CAPZB: variants seen among roughly 807,000 people sequenced by gnomAD.
The protein encoded by CAPZB is capping actin protein of muscle Z-line subunit beta.
Under a neutral mutation model 38.1 loss-of-function variants are expected in CAPZB, and 2 were observed. That is an observed-to-expected ratio of 0.05 (90% CI 0.02 to 0.17). CAPZB has a LOEUF of 0.17. Among genes scored for constraint, CAPZB ranks in the 10% least tolerant of loss-of-function variants. The pLI is 1.00. For missense variants in CAPZB, 161 were observed against 334.2 expected (o/e 0.48, Z 4.04); for synonymous variants, 107 against 127.4 (o/e 0.84, Z 1.08).
At chr1:19,441,350 A>C (rs1442269931) in intron 1 of CAPZB, among the ~76,000 whole-genome samples, 1 of 152,178 alleles carries the variant, frequency 6.6e-6, no homozygotes, top group African/African-American at 2.4e-5. Context: ...AGTAAGTATA[A>C]GGGTGTACTC....
intron 1 of CAPZB, among the ~76,000 whole-genome samples, chr1:19,433,869 G>A (rs1441456547): frequency 6.7e-6 from 1 of 150,156 alleles, no homozygotes; most frequent in African/African-American, 2.5e-5. Flanking sequence ...TCCAGCTCAA[G>A]GGTAACTCTA....
At chr1:19,381,568 G>A (rs965329469) in intron 3 of CAPZB, among the ~76,000 whole-genome samples, 3 of 152,168 alleles carry the variant, frequency 2.0e-5, no homozygotes, top group African/African-American at 7.2e-5. Flanking sequence ...CACGGGCATG[G>A]CGCCCAGGTG....
chr1:19,453,636 G>A (rs1283452122), intron 1 of CAPZB, among the ~76,000 whole-genome samples: 1 of 152,058 alleles, frequency 6.6e-6, no homozygotes, highest in East Asian at 1.9e-4. Flanking sequence ...CCTCCCACCT[G>A]GAAGGCCTCT....
chr1:19,352,624 C>T (rs1338733028), intron 6 of CAPZB, among the ~76,000 whole-genome samples: 1 of 152,238 alleles, frequency 6.6e-6, no homozygotes, highest in Non-Finnish European at 1.5e-5. Flanking sequence ...ACCTTCTGCC[C>T]GCCTTTCCTC....
At chr1:19,354,095 A>G (rs2094007132) in intron 6 of CAPZB, among the ~76,000 whole-genome samples, 1 of 152,230 alleles carries the variant, frequency 6.6e-6, no homozygotes, top group South Asian at 2.1e-4. Context: ...TTTTCTCACC[A>G]GGCAAATCTG....
chr1:19,415,133 C>T (rs1404809291), intron 2 of CAPZB, among the ~76,000 whole-genome samples: 2 of 152,248 alleles, frequency 1.3e-5, no homozygotes, highest in Non-Finnish European at 2.9e-5. Flanking sequence ...CTGGCCCTGA[C>T]ATCTTAAGCG....
At chr1:19,399,930 T>G (rs1404841581) in intron 2 of CAPZB, among the ~76,000 whole-genome samples, 4 of 152,122 alleles carry the variant, frequency 2.6e-5, no homozygotes, top group Non-Finnish European at 5.9e-5. Flanking sequence ...AAACCAACTG[T>G]GGACTGCCCA....
chr1:19,445,145 A>G (rs1484550033), intron 1 of CAPZB, among the ~76,000 whole-genome samples: 1 of 152,248 alleles, frequency 6.6e-6, no homozygotes, highest in Non-Finnish European at 1.5e-5. Flanking sequence ...GTCCAACATG[A>G]GTAAATTAAG....
At chr1:19,352,295 G>A (rs1281836824) in intron 6 of CAPZB, among the ~76,000 whole-genome samples, 1 of 152,234 alleles carries the variant, frequency 6.6e-6, no homozygotes, top group African/African-American at 2.4e-5. Flanking sequence ...TCTCTGCTGA[G>A]TGGGGAGAGA....
At chr1:19,396,102 T>C (rs1296603850) in intron 2 of CAPZB, among the ~76,000 whole-genome samples, 1 of 152,236 alleles carries the variant, frequency 6.6e-6, no homozygotes, top group East Asian at 1.9e-4. Context: ...GCAGAGGCCG[T>C]TGCCCCGCCT....
At chr1:19,373,901 C>A (rs879301265) in intron 4 of CAPZB, among the ~76,000 whole-genome samples, 6 of 152,128 alleles carry the variant, frequency 3.9e-5, no homozygotes, top group Non-Finnish European at 7.3e-5. Flanking sequence ...TGCTATGTCG[C>A]CCAGGCTGGT....
chr1:19,420,623 G>T (rs1022117263), intron 1 of CAPZB, among the ~76,000 whole-genome samples: 3 of 151,760 alleles, frequency 2.0e-5, no homozygotes, highest in Non-Finnish European at 4.4e-5. Context: ...GGAACATGGG[G>T]TTTTGCCATA....
At position 19,485,533 on chromosome 1, in the gene CAPZB, T is replaced by A; in HGVS notation, c.-95A>T. 1 of 1,063,572 alleles carries A rather than the reference T, an allele frequency of 9.4e-7. No homozygotes were observed. Among genetic ancestry groups the A allele is most frequent in the Non-Finnish European group, 1.2e-6 (1 of 838,060 alleles). 65.9% of individuals were successfully genotyped at this position (1,063,572 alleles called of 1,614,324 possible). On this transcript the variant is annotated 5_prime_UTR_variant, in exon 1 of 9. Transcript: ENST00000264202. ...TTCCACTTCCCCGGGTGCCCAGGAGTGAACATCCGGGTCAGCACCCCCCTC... is the reference window on the plus strand; with the variant it reads ...TTCCACTTCCCCGGGTGCCCAGGAGAGAACATCCGGGTCAGCACCCCCCTC...
chr1:19,352,883 G>A (rs2093999450), intron 6 of CAPZB, among the ~76,000 whole-genome samples: 1 of 152,264 alleles, frequency 6.6e-6, no homozygotes, highest in Non-Finnish European at 1.5e-5. Flanking sequence ...TGGCTGGCAG[G>A]CCACGTGCCC....
intron 1 of CAPZB, among the ~76,000 whole-genome samples, chr1:19,458,803 C>CA (rs1304915494): frequency 6.6e-6 from 1 of 152,208 alleles, no homozygotes; most frequent in Non-Finnish European, 1.5e-5. Flanking sequence ...TTCTGTAATC[C>CA]AAAAAGGAGA....
chr1:19,384,134 C>G (rs746672321), intron 3 of CAPZB, among the ~76,000 whole-genome samples: 2 of 152,318 alleles, frequency 1.3e-5, no homozygotes, highest in African/African-American at 2.4e-5. Flanking sequence ...TGTGTTACTT[C>G]TTTTATCCCC....
At chr1:19,341,689 G>A (rs370614930) in intron 8 of CAPZB, among the ~76,000 whole-genome samples, 23 of 152,266 alleles carry the variant, frequency 1.5e-4, no homozygotes, top group African/African-American at 4.6e-4. Flanking sequence ...GCACCATCAC[G>A]GTGTATCTTA....
At chr1:19,381,581 G>A (rs2094175005) in intron 3 of CAPZB, among the ~76,000 whole-genome samples, 2 of 151,956 alleles carry the variant, frequency 1.3e-5, no homozygotes. Flanking sequence ...CCCAGGTGCT[G>A]TCCTTCTTGG....
rs1368909506 is a variant in CAPZB, at chr1:19,355,727, G to A, written c.588+908C>T. 5.3e-5 allele frequency among the ~76,000 whole-genome samples: 8 copies of A among 152,206 alleles called. No homozygotes were observed. The East Asian group carries it at 1.3e-3, about 26-fold the overall frequency. ...CGTTTCTGCCAATACCGACTTCTCCGAAGGCAAAGAGGGGTCCTTGTGAAA... is the reference window on the plus strand; with the variant it reads ...CGTTTCTGCCAATACCGACTTCTCCAAAGGCAAAGAGGGGTCCTTGTGAAA... On this transcript the variant is annotated intron_variant, in intron 6 of 8. Coordinates refer to ENST00000264202, the MANE Select transcript of CAPZB (RefSeq NM_004930.5).
Sources: allele counts gnomAD v4.1 joint callset (sites outside exome capture counted in the v4.1 genomes callset), GRCh38; gene constraint gnomAD v4.1.1; transcripts MANE v1.5; gene names NCBI Gene and HGNC (gene_info 2026-07-23, HGNC 2026-07-21).